RABEP1: variants seen among roughly 807,000 people sequenced by gnomAD.
RABEP1 encodes the protein rab GTPase-binding effector protein 1.
RABEP1 carries 51 observed loss-of-function variants against 123.4 expected under a neutral mutation model. That is an observed-to-expected ratio of 0.41 (90% CI 0.33 to 0.52). The LOEUF is 0.52. RABEP1 is among the 20% of genes least tolerant of loss of function. RABEP1 has a pLI of 0.16. For synonymous variants in RABEP1, 347 were observed against 355.2 expected, an observed-to-expected ratio of 0.98 and a Z score of 0.26; for missense variants, 888 against 996.3, an observed-to-expected ratio of 0.89 and a Z score of 1.46.
rs147027384 is a variant in RABEP1 at position 5,370,495 on chromosome 17, A to G, written c.1884+2027A>G. On this transcript the variant is annotated intron_variant, in intron 12 of 17. Coordinates refer to ENST00000537505, the MANE Select transcript of RABEP1 (RefSeq NM_004703.6). ...TGATCACATATTTCATCTTGTTGCC[A>G]TGTCGCTTTAGTCACTTTTCATCTA... Among the ~76,000 whole-genome samples, 146 of 152,214 alleles carry G rather than the reference A, an allele frequency of 9.6e-4. 1 individual carries two copies. The highest frequency in any genetic ancestry group is 3.4e-3 in the African/African-American group (141 of 41,532).
chr17:5,365,014 C>T, intron 10 of RABEP1, 108 bp from the exon 11 acceptor site: 1 of 678,910 alleles, frequency 1.5e-6, no homozygotes, highest in Non-Finnish European at 2.5e-6. Flanking sequence ...TGGTGTTTCC[C>T]AGAAAAAGAC....
chr17:5,291,284 C>T (rs1177342091), intron 1 of RABEP1, among the ~76,000 whole-genome samples: 4 of 151,996 alleles, frequency 2.6e-5, no homozygotes, highest in Admixed American at 1.3e-4. Context: ...GTGGTGGGCA[C>T]GTGTAACCCC....
At position 5,296,199 on chromosome 17, in the gene RABEP1, G is replaced by T. The variant is rs180986070; in HGVS notation, c.35-12495G>T. Among the ~76,000 whole-genome samples, 8 of 152,256 alleles carry T rather than the reference G, an allele frequency of 5.3e-5. No individual in the cohort carries two copies. The South Asian group carries it at 6.2e-4, about 12-fold the overall frequency. On this transcript the variant is annotated intron_variant, in intron 1 of 17. Coordinates refer to ENST00000537505, the MANE Select transcript of RABEP1 (RefSeq NM_004703.6). The stretch of plus-strand genomic sequence containing the variant: ...TTTGCTAAGGTTCGAGAATTTTTGC[G>T]ATTATATTCATAAGTGAGATTGGCT...
intron 1 of RABEP1, among the ~76,000 whole-genome samples, chr17:5,292,319 T>C (rs2075041115): frequency 6.6e-6 from 1 of 152,182 alleles, no homozygotes; most frequent in Admixed American, 6.5e-5. Flanking sequence ...TTAAAAAATA[T>C]ATATATTGGC....
At chr17:5,306,759 A>C (rs1019166844) in intron 1 of RABEP1, among the ~76,000 whole-genome samples, 1 of 147,786 alleles carries the variant, frequency 6.8e-6, no homozygotes, top group Non-Finnish European at 1.5e-5. Context: ...TTTGATTGCT[A>C]CTTTTTTTTG....
At chr17:5,336,105 A>G (rs1907059398) in intron 4 of RABEP1, among the ~76,000 whole-genome samples, 1 of 152,230 alleles carries the variant, frequency 6.6e-6, no homozygotes, top group Non-Finnish European at 1.5e-5. Flanking sequence ...GCTAGTTTAA[A>G]TAAACTTTTA....
At chr17:5,290,777 G>A (rs1205123333) in intron 1 of RABEP1, among the ~76,000 whole-genome samples, 3 of 151,994 alleles carry the variant, frequency 2.0e-5, no homozygotes, top group Admixed American at 6.6e-5. Context: ...TCTAGTTTTA[G>A]TAGAGAGTGG....
At chr17:5,343,183 C>T (rs1005176884) in intron 5 of RABEP1, among the ~76,000 whole-genome samples, 4 of 152,068 alleles carry the variant, frequency 2.6e-5, no homozygotes, top group South Asian at 2.1e-4. Flanking sequence ...ACCTGGGAGG[C>T]GGAGGTTGCG....
intron 1 of RABEP1, among the ~76,000 whole-genome samples, chr17:5,299,061 A>G (rs2075109152): frequency 6.6e-6 from 1 of 152,194 alleles, no homozygotes; most frequent in Non-Finnish European, 1.5e-5. Context: ...AGTTAACAGT[A>G]ACACCAAATA....
chr17:5,291,735 C>T (rs1231099186), intron 1 of RABEP1, among the ~76,000 whole-genome samples: 4 of 152,170 alleles, frequency 2.6e-5, no homozygotes, highest in Non-Finnish European at 4.4e-5. Flanking sequence ...GGCGAAATTC[C>T]GTTTCTACTA....
rs182359450 is a variant in RABEP1, at chr17:5,284,482, T to C, written c.34+1962T>C. Among the ~76,000 whole-genome samples the C allele has an allele frequency of 9.2e-5, 14 of 152,132 alleles. No homozygotes were observed. In the East Asian group the frequency reaches 2.1e-3, roughly 23 times the overall value. ...GGGATTTTAATTTTTTTTTTTTTCTTTGAGACAGTATCTCACTCTGTTGCC... is the reference window on the plus strand; with the variant it reads ...GGGATTTTAATTTTTTTTTTTTTCTCTGAGACAGTATCTCACTCTGTTGCC... On this transcript the variant is annotated intron_variant, in intron 1 of 17. Coordinates refer to ENST00000537505, the MANE Select transcript of RABEP1 (RefSeq NM_004703.6).
intron 7 of RABEP1, among the ~76,000 whole-genome samples, chr17:5,353,934 A>G (rs1908785750): frequency 6.6e-6 from 1 of 152,208 alleles, no homozygotes; most frequent in South Asian, 2.1e-4. Flanking sequence ...GCAGTGAACC[A>G]TATTTGCACC....
chr17:5,299,735 T>C lies in RABEP1; in HGVS notation c.35-8959T>C, dbSNP rs1364828602. Among the ~76,000 whole-genome samples the C allele has an allele frequency of 8.9e-5, 11 of 122,990 alleles. 3 individuals are homozygous for C. Among genetic ancestry groups the C allele is most frequent in the Non-Finnish European group, 1.3e-4 (8 of 60,174 alleles). The allele number at this position is 122,990 out of a possible 152,430, so 80.7% of individuals were successfully genotyped here. On this transcript the variant is annotated intron_variant, in intron 1 of 17. Coordinates refer to ENST00000537505, the MANE Select transcript of RABEP1 (RefSeq NM_004703.6). ...TTTTCTTTTCTTTTTCTTTTTCTTT[T>C]TTTTTTTTTTTTGGAGGCAGAGTCT...
chr17:5,364,695 G>C (rs904211767), intron 10 of RABEP1, among the ~76,000 whole-genome samples: 1 of 142,434 alleles, frequency 7.0e-6, no homozygotes, highest in Non-Finnish European at 1.5e-5. Flanking sequence ...ATTGCAGAGC[G>C]AGAGACTCTT....
intron 11 of RABEP1, among the ~76,000 whole-genome samples, chr17:5,367,886 G>A (rs973709637): frequency 6.6e-6 from 1 of 150,660 alleles, no homozygotes; most frequent in African/African-American, 2.4e-5. Flanking sequence ...CTCCCGAGTA[G>A]CTGGAATACA....
intron 15 of RABEP1, 150 bp downstream of exon 15, chr17:5,378,382 G>T: frequency 2.7e-6 from 2 of 733,832 alleles, no homozygotes; most frequent in South Asian, 1.5e-5. Flanking sequence ...ACGGGGTAAG[G>T]GTGTGCTGGT....
intron 7 of RABEP1, among the ~76,000 whole-genome samples, chr17:5,353,587 C>T (rs541244607): frequency 6.6e-6 from 1 of 152,094 alleles, no homozygotes; most frequent in Admixed American, 6.6e-5. Flanking sequence ...GTGTCTCATG[C>T]CTGTAGTCCC....
In RABEP1 at chr17:5,328,370, C is replaced by T. The variant is rs1452964493; in HGVS notation, c.164-3579C>T. Among the ~76,000 whole-genome samples, 4 of 152,086 alleles carry T rather than the reference C, an allele frequency of 2.6e-5. No homozygotes were observed. The South Asian group carries it at 6.2e-4, about 24-fold the overall frequency. On this transcript the variant is annotated intron_variant, in intron 2 of 17. Transcript: ENST00000537505. ...CTTTATAGCATTAGTATAGGCCAGG[C>T]GTAGTAGCTCATGCCTGTAATCCCA...
At chr17:5,379,512 T>C (rs151246990) in intron 15 of RABEP1, among the ~76,000 whole-genome samples, 1,662 of 152,246 alleles carry the variant, frequency 0.011, 17 homozygotes, top group Non-Finnish European at 0.019. Flanking sequence ...ACAGTCTTGA[T>C]CATCATCACT....
Sources: gnomAD v4.1 joint callset for allele counts (sites outside exome capture counted in the v4.1 genomes callset) on GRCh38, gnomAD v4.1.1 for gene constraint, MANE v1.5 for transcripts, NCBI Gene and HGNC (gene_info 2026-07-23, HGNC 2026-07-21) for gene names.